The following CUEDC1 variants were observed in gnomAD, a reference collection of about 807,000 sequenced individuals.
CUEDC1 encodes the protein CUE domain-containing protein 1.
Under a neutral mutation model 43.7 loss-of-function variants are expected in CUEDC1, and 30 were observed. The ratio of observed to expected loss-of-function variants is 0.69; its 90% CI spans 0.51 to 0.93. The LOEUF is 0.93. Among genes scored for constraint, CUEDC1 ranks in the 40% least tolerant of loss-of-function variants. The pLI is 0.00. For synonymous variants in CUEDC1, 223 were observed against 223.6 expected (o/e 1.00, Z 0.02); for missense variants, 486 against 549.0 (o/e 0.89, Z 1.15).
intron 1 of CUEDC1, among the ~76,000 whole-genome samples, chr17:57,913,567 AAGAGG>A (rs1187039542): frequency 6.6e-6 from 1 of 152,166 alleles, no homozygotes; most frequent in Non-Finnish European, 1.5e-5. Context: ...AAGTAAGTCA[AAGAGG>A]AGTGCAGGGA....
At chr17:57,952,461 A>G (rs2143256505) in intron 1 of CUEDC1, among the ~76,000 whole-genome samples, 1 of 152,258 alleles carries the variant, frequency 6.6e-6, no homozygotes, top group East Asian at 1.9e-4. Flanking sequence ...TCCTGACCTC[A>G]GGTGATCCAC....
chr17:57,879,728 C>T lies in CUEDC1; in HGVS notation c.347G>A (p.Arg116Lys), dbSNP rs1442150426. ...EDSIPPEILE[R>K]TLEPDSSDEE... ...ATCCGAGCTATCAGGTTCCAAAGTCCTTTCCAAGATCTAAATCAGAGGCAA... is the reference window on the plus strand; with the variant it reads ...ATCCGAGCTATCAGGTTCCAAAGTCTTTTCCAAGATCTAAATCAGAGGCAA... The change falls in exon 3 of 11, where the codon AGG becomes AAG. Residue 116 changes from arginine to lysine, a missense_variant. Arg to Lys is a conservative substitution (Grantham distance 26). Transcript: ENST00000577830. The T allele has an allele frequency of 6.3e-7, 1 of 1,597,542 alleles. No individual in the cohort carries two copies. Among genetic ancestry groups the T allele is most frequent in the East Asian group, 2.3e-5 (1 of 43,266 alleles).
chr17:57,947,570 G>A (rs576628458), intron 1 of CUEDC1, among the ~76,000 whole-genome samples: 3 of 152,284 alleles, frequency 2.0e-5, no homozygotes, highest in East Asian at 1.9e-4. Context: ...AGGCTAAGGC[G>A]AGTGGATCTC....
intron 6 of CUEDC1, among the ~76,000 whole-genome samples, chr17:57,870,948 GT>G (rs1212726611): frequency 1.3e-5 from 2 of 152,202 alleles, no homozygotes; most frequent in Non-Finnish European, 2.9e-5. Flanking sequence ...CTCTCAAAGT[GT>G]TGGGATTATA....
Position 57,916,340 on chromosome 17 carries a change from GCC to G in CUEDC1, c.-315-30463_-315-30462del, listed in dbSNP as rs566176711. Among the ~76,000 whole-genome samples, 20 of 152,342 alleles carry G rather than the reference GCC, an allele frequency of 1.3e-4. No individual in the cohort carries two copies. In the South Asian group the frequency reaches 3.9e-3, roughly 30 times the overall value. On this transcript the variant is annotated intron_variant, in intron 1 of 10. Transcript: ENST00000577830. Reference sequence around the variant, plus strand: ...CATGCAGCGGGGTCTCCCACCCCAGGCCCTCCAGGCCCCCAAAAGGCTTCCTG... The same window carrying G: ...CATGCAGCGGGGTCTCCCACCCCAGGCTCCAGGCCCCCAAAAGGCTTCCTG...
At chr17:57,911,293 C>T (rs1467749403) in intron 1 of CUEDC1, among the ~76,000 whole-genome samples, 3 of 152,200 alleles carry the variant, frequency 2.0e-5, no homozygotes, top group African/African-American at 2.4e-5. Flanking sequence ...TTCAAGACCT[C>T]GCTCAAGTTC....
intron 1 of CUEDC1, among the ~76,000 whole-genome samples, chr17:57,939,377 A>C (rs1231409502): frequency 6.8e-6 from 1 of 147,998 alleles, no homozygotes; most frequent in Non-Finnish European, 1.5e-5. Flanking sequence ...TGATCCTCCC[A>C]CCTCAGCCTC....
At chr17:57,882,582 C>T (rs956542200) in intron 2 of CUEDC1, among the ~76,000 whole-genome samples, 5 of 152,192 alleles carry the variant, frequency 3.3e-5, no homozygotes, top group African/African-American at 7.2e-5. Context: ...AGTTGACTCT[C>T]AAATAACAAG....
chr17:57,946,714 ATC>A (rs1454153791), intron 1 of CUEDC1, among the ~76,000 whole-genome samples: 2 of 152,048 alleles, frequency 1.3e-5, no homozygotes, highest in African/African-American at 4.8e-5. Flanking sequence ...GGCCCAGGCA[ATC>A]TGTTTTAAGA....
intron 1 of CUEDC1, among the ~76,000 whole-genome samples, chr17:57,914,628 T>G (rs2074619206): frequency 6.6e-6 from 1 of 152,190 alleles, no homozygotes; most frequent in East Asian, 1.9e-4. Flanking sequence ...TAATGCTATC[T>G]GGGGCCTTGG....
At chr17:57,893,021 G>T (rs536417529) in intron 1 of CUEDC1, among the ~76,000 whole-genome samples, 1 of 152,228 alleles carries the variant, frequency 6.6e-6, no homozygotes, top group Non-Finnish European at 1.5e-5. Context: ...CAAGCCACTT[G>T]CCAGCGCTCT....
At chr17:57,877,307 A>G (rs2074139507) in intron 3 of CUEDC1, among the ~76,000 whole-genome samples, 1 of 152,072 alleles carries the variant, frequency 6.6e-6, no homozygotes, top group Admixed American at 6.5e-5. Flanking sequence ...GGGAGGGAGG[A>G]TGTGGCATGG....
intron 2 of CUEDC1, among the ~76,000 whole-genome samples, chr17:57,884,646 C>A (rs2074262799): frequency 6.6e-6 from 1 of 152,206 alleles, no homozygotes; most frequent in South Asian, 2.1e-4. Flanking sequence ...GTTCCCTTTG[C>A]CTGCACACCC....
intron 1 of CUEDC1, among the ~76,000 whole-genome samples, chr17:57,938,405 C>T (rs1444504014): frequency 6.6e-6 from 1 of 152,288 alleles, no homozygotes; most frequent in East Asian, 1.9e-4. Flanking sequence ...TTCCAACAAA[C>T]AGCTCGCCTG....
At chr17:57,897,746 A>G (rs939563454) in intron 1 of CUEDC1, among the ~76,000 whole-genome samples, 1 of 149,382 alleles carries the variant, frequency 6.7e-6, no homozygotes, top group African/African-American at 2.5e-5. Flanking sequence ...CAGGCGCGGT[A>G]GCTCACGCCT....
At chr17:57,868,266 G>A in intron 7 of CUEDC1, 23 bp from the exon 8 acceptor site, 1 of 1,605,170 alleles carries the variant, frequency 6.2e-7, no homozygotes, top group Non-Finnish European at 8.5e-7. Context: ...AGACCTGTGA[G>A]TCATTCTCTC....
At chr17:57,870,448 T>C (rs1479058882) in intron 6 of CUEDC1, among the ~76,000 whole-genome samples, 1 of 152,254 alleles carries the variant, frequency 6.6e-6, no homozygotes, top group Non-Finnish European at 1.5e-5. Flanking sequence ...GCCCAACAGA[T>C]GGCAGATATT....
chr17:57,917,472 G>A (rs922642284), intron 1 of CUEDC1, among the ~76,000 whole-genome samples: 3 of 152,158 alleles, frequency 2.0e-5, no homozygotes, highest in South Asian at 2.1e-4. Flanking sequence ...TTCACTCCAC[G>A]GAGTCTCTTC....
Position 57,923,594 on chromosome 17 carries a change from A to C in CUEDC1, c.-316+31631T>G, listed in dbSNP as rs1413050270. On this transcript the variant is annotated intron_variant, in intron 1 of 10. Coordinates refer to ENST00000577830, the MANE Select transcript of CUEDC1 (RefSeq NM_001271875.2). ...TGGATGTCCCAGCCAGAAGGAGCTG[A>C]AACAATGGCAACTCTGGTCAACCAG... Among the ~76,000 whole-genome samples the C allele has an allele frequency of 2.6e-5, 4 of 152,328 alleles. No individual in the cohort carries two copies. The East Asian group carries it at 5.8e-4, about 22-fold the overall frequency.
Sources: gnomAD v4.1 joint callset for allele counts (sites outside exome capture counted in the v4.1 genomes callset) on GRCh38, gnomAD v4.1.1 for gene constraint, MANE v1.5 for transcripts, NCBI Gene and HGNC (gene_info 2026-07-23, HGNC 2026-07-21) for gene names.